The following PRKACG variants were observed in gnomAD, a reference collection of about 807,000 sequenced individuals.
PRKACG encodes cAMP-dependent protein kinase catalytic subunit gamma.
In PRKACG, 24 loss-of-function variants were observed where a neutral mutation model predicts 25.6. The ratio of observed to expected loss-of-function variants is 0.94; its 90% CI spans 0.68 to 1.32. PRKACG has a LOEUF of 1.32. PRKACG is among the 40% of genes most tolerant of loss of function. PRKACG has a pLI of 0.00. For synonymous variants in PRKACG, 202 were observed against 195.9 expected, an observed-to-expected ratio of 1.03 and a Z score of -0.26; for missense variants, 481 against 462.9, an observed-to-expected ratio of 1.04 and a Z score of -0.36.
Position 69,013,845 on chromosome 9 carries a change from A to G in PRKACG, c.248T>C (p.Met83Thr), listed in dbSNP as rs770637637. 2.5e-6 allele frequency: 4 copies of G among 1,613,450 alleles called. No homozygotes were observed. Among genetic ancestry groups the G allele is most frequent in the Admixed American group, 3.3e-5 (2 of 59,940 alleles). Reference protein sequence around the residue: ...KILNKQKVVKMKQVEHILNEK... With the variant: ...KILNKQKVVKTKQVEHILNEK... Reference sequence around the variant, plus strand: ...GTTCAGTATGTGCTCGACCTGCTTCATCTTCACCACCTTCTGCTTGTTGAG... The same window carrying G: ...GTTCAGTATGTGCTCGACCTGCTTCGTCTTCACCACCTTCTGCTTGTTGAG... Residue 83 changes from methionine to threonine, a missense_variant, in exon 1 of 1, where the codon ATG becomes ACG. Met to Thr is a moderately conservative substitution (Grantham distance 81, BLOSUM62 -1). Transcript: ENST00000377276.
chr9:69,013,522 G>A lies in PRKACG; in HGVS notation c.571C>T (p.Arg191Cys), dbSNP rs1413326720. The A allele has an allele frequency of 2.5e-6, 4 of 1,614,022 alleles. No individual in the cohort carries two copies. The highest frequency in any genetic ancestry group is 2.2e-5 in the East Asian group (1 of 44,860). ...LQVTDFGFAK[R>C]VKGRTWTLCG... Reference sequence around the variant, plus strand: ...AAGGTCCAAGTGCGGCCCTTCACGCGCTTGGCGAAACCGAAGTCCGTCACC... The same window carrying A: ...AAGGTCCAAGTGCGGCCCTTCACGCACTTGGCGAAACCGAAGTCCGTCACC... Residue 191 changes from arginine (R) to cysteine (C), a missense_variant, in exon 1 of 1, where the codon CGC becomes TGC. Arg to Cys is a radical substitution (Grantham distance 180). Transcript: ENST00000377276.
In PRKACG at chr9:69,012,705, C is replaced by G. The variant is rs946174199; in HGVS notation, c.*332G>C. 6 of 270,778 alleles carry G rather than the reference C, an allele frequency of 2.2e-5. No homozygotes were observed. The highest frequency in any genetic ancestry group is 1.1e-4 in the African/African-American group (5 of 46,016). 16.8% of individuals were successfully genotyped at this position (270,778 alleles called of 1,614,324 possible). ...TTGAGCCCCTCTTTCCACACCGTGTCCCTTGATACAACAGCAAGACCTGGC... is the reference window on the plus strand; with the variant it reads ...TTGAGCCCCTCTTTCCACACCGTGTGCCTTGATACAACAGCAAGACCTGGC... On this transcript the variant is annotated 3_prime_UTR_variant, in exon 1 of 1. Coordinates refer to ENST00000377276, the MANE Select transcript of PRKACG (RefSeq NM_002732.4).
rs1564319108 is a variant in PRKACG at position 69,013,038 on chromosome 9, T to G, written c.1055A>C (p.Ter352SerextTer25). The change falls in exon 1 of 1, where the codon TAG becomes TCG. Residue 352 changes from the stop codon to serine, a stop_lost. Coordinates refer to ENST00000377276, the MANE Select transcript of PRKACG (RefSeq NM_002732.4). ...ACCCACAGGGGCACAAGCACACCCC[T>G]AAAACTCAGAAAACTCCTTGGCACA... ...EKCAKEFSEF[*>S] The G allele has an allele frequency of 6.2e-7, 1 of 1,613,048 alleles. No individual in the cohort carries two copies. Among genetic ancestry groups the G allele is most frequent in the Non-Finnish European group, 8.5e-7 (1 of 1,179,536 alleles).
Position 69,013,766 on chromosome 9 carries a change from G to T in PRKACG, c.327C>A (p.Phe109Leu). 1 of 1,614,026 alleles carries T rather than the reference G, an allele frequency of 6.2e-7. No individual in the cohort carries two copies. The highest frequency in any genetic ancestry group is 8.5e-7 in the Non-Finnish European group (1 of 1,180,018). ...IDFPFLVKLQ[F>L]SFKDNSYLYL... Reference sequence around the variant, plus strand: ...ACAGGTAGGAGTTGTCCTTAAAGGAGAACTGGAGCTTGACGAGGAACGGAA... The same window carrying T: ...ACAGGTAGGAGTTGTCCTTAAAGGATAACTGGAGCTTGACGAGGAACGGAA... Residue 109 changes from phenylalanine to leucine, a missense_variant, in exon 1 of 1, where the codon TTC becomes TTA. Transcript: ENST00000377276.
In PRKACG at chr9:69,013,416, C is replaced by A. The variant is rs1161984523; in HGVS notation, c.677G>T (p.Gly226Val). ...YNKAVDWWAL[G>V]VLIYEMAVGF... ...CACGGCCATCTCATAGATGAGCACC[C>A]CTAGGGCCCACCAGTCCACGGCCTT... is the stretch of plus-strand genomic sequence containing the variant. The change falls in exon 1 of 1, where the codon GGG becomes GTG. Residue 226 changes from glycine (G) to valine (V), a missense_variant. Transcript: ENST00000377276. 6.2e-7 allele frequency: 1 copy of A among 1,613,622 alleles called. No homozygotes were observed. Among genetic ancestry groups the A allele is most frequent in the Non-Finnish European group, 8.5e-7 (1 of 1,180,012 alleles).
chr9:69,013,360 T>C lies in PRKACG; in HGVS notation c.733A>G (p.Ile245Val). Residue 245 changes from isoleucine to valine, a missense_variant, in exon 1 of 1, where the codon ATC becomes GTC. Ile to Val is a conservative substitution (Grantham distance 29, BLOSUM62 3). Coordinates refer to ENST00000377276, the MANE Select transcript of PRKACG (RefSeq NM_002732.4). Reference protein sequence around the residue: ...GFPPFYADQPIQIYEKIVSGR... With the variant: ...GFPPFYADQPVQIYEKIVSGR... Reference sequence around the variant, plus strand: ...GAGACGATCTTCTCGTAGATCTGGATGGGCTGGTCGGCGTAGAAGGGTGGG... The same window carrying C: ...GAGACGATCTTCTCGTAGATCTGGACGGGCTGGTCGGCGTAGAAGGGTGGG... 2 of 1,613,942 alleles carry C rather than the reference T, an allele frequency of 1.2e-6. No homozygotes were observed. Among genetic ancestry groups the C allele is most frequent in the Non-Finnish European group, 8.5e-7 (1 of 1,180,004 alleles).
At position 69,013,928 on chromosome 9, in the gene PRKACG, G is replaced by A. The variant is rs756449608; in HGVS notation, c.165C>T (p.Phe55=). The A allele has an allele frequency of 1.9e-6, 3 of 1,613,892 alleles. No individual in the cohort carries two copies. The highest frequency in any genetic ancestry group is 2.5e-6 in the Non-Finnish European group (3 of 1,179,980). ...ERLRTLGMGS[F]GRVMLVRHQE... ...GGTGCCTCACCAGCATCACCCGCCC[G>A]AAGGAGCCCATGCCCAGCGTCCTGA... Residue 55 remains phenylalanine (F), a synonymous_variant, in exon 1 of 1, where the codon TTC becomes TTT. Transcript: ENST00000377276.
Position 69,014,055 on chromosome 9 carries a change from T to C in PRKACG, c.38A>G (p.Glu13Gly), listed in dbSNP as rs1831310246. The part of the protein sequence containing the change: ...NAPAKKDTEQ[E>G]ESVNEFLAKA... ...GGCTAGGAACTCGTTCACGCTCTCC[T>C]CCTGCTCGGTGTCCTTCTTGGCGGG... Residue 13 changes from glutamate (E) to glycine (G), a missense_variant, in exon 1 of 1, where the codon GAG becomes GGG. Coordinates refer to ENST00000377276, the MANE Select transcript of PRKACG (RefSeq NM_002732.4). The C allele has an allele frequency of 2.5e-6, 4 of 1,611,492 alleles. No individual in the cohort carries two copies. Among genetic ancestry groups the C allele is most frequent in the Non-Finnish European group, 3.4e-6 (4 of 1,179,352 alleles).
Position 69,012,820 on chromosome 9 carries a change from G to T in PRKACG, c.*217C>A, listed in dbSNP as rs1180620808. ...GGGAGGAGAAAGAGAGAAGCACAGA[G>T]GGACCAGGAAGGCATGGGGGGGGGT... On this transcript the variant is annotated 3_prime_UTR_variant, in exon 1 of 1. Coordinates refer to ENST00000377276, the MANE Select transcript of PRKACG (RefSeq NM_002732.4). The T allele has an allele frequency of 1.1e-5, 6 of 566,804 alleles. No individual in the cohort carries two copies. The highest frequency in any genetic ancestry group is 2.0e-5 in the African/African-American group (1 of 51,274). The allele number at this position is 566,804 out of a possible 1,614,324, so 35.1% of individuals were successfully genotyped here. A position where few individuals can be genotyped will look rare whatever the true frequency, so the allele number is the denominator to read the frequency against.
At position 69,013,017 on chromosome 9, in the gene PRKACG, A is replaced by G. The variant is rs763052601; in HGVS notation, c.*20T>C. 1.1e-5 allele frequency: 18 copies of G among 1,599,088 alleles called. No homozygotes were observed. The highest frequency in any genetic ancestry group is 3.4e-4 in the Middle Eastern group (2 of 5,932). ...CAAAAACAAAAAGGAAAGAAAACCC[A>G]CAGGGGCACAAGCACACCCCTAAAA... On this transcript the variant is annotated 3_prime_UTR_variant, in exon 1 of 1. Coordinates refer to ENST00000377276, the MANE Select transcript of PRKACG (RefSeq NM_002732.4).
chr9:69,013,448 G>A lies in PRKACG; in HGVS notation c.645C>T (p.Gly215=). The change falls in exon 1 of 1, where the codon GGC becomes GGT. Residue 215 remains glycine, a synonymous_variant. Coordinates refer to ENST00000377276, the MANE Select transcript of PRKACG (RefSeq NM_002732.4). ...CCCACCAGTCCACGGCCTTGTTGTAGCCTTTGCTCAGGATGATCTCGGGGG... is the reference window on the plus strand; with the variant it reads ...CCCACCAGTCCACGGCCTTGTTGTAACCTTTGCTCAGGATGATCTCGGGGG... ...YLAPEIILSK[G]YNKAVDWWAL... is the part of the protein sequence containing the mutation. 6.2e-7 allele frequency: 1 copy of A among 1,613,830 alleles called. No individual in the cohort carries two copies. The highest frequency in any genetic ancestry group is 1.1e-5 in the South Asian group (1 of 91,072).
chr9:69,013,071 T>C lies in PRKACG; in HGVS notation c.1022A>G (p.Asn341Ser), dbSNP rs779711045. 3.7e-6 allele frequency: 6 copies of C among 1,614,182 alleles called. No homozygotes were observed. The South Asian group carries it at 4.4e-5, about 12-fold the overall frequency. The change falls in exon 1 of 1, where the codon AAT becomes AGT. Residue 341 changes from asparagine to serine, a missense_variant. Physicochemically the swap from Asn to Ser is conservative, Grantham distance 46 (BLOSUM62 1). Coordinates refer to ENST00000377276, the MANE Select transcript of PRKACG (RefSeq NM_002732.4). The part of the protein sequence containing the change: ...YEEEELRISI[N>S]EKCAKEFSEF ...AGAAAACTCCTTGGCACACTTCTCA[T>C]TGATGGAGATCCGGAGCTCTTCCTC...
rs1193906496 is a variant in PRKACG at position 69,012,844 on chromosome 9, G to A, written c.*193C>T. On this transcript the variant is annotated 3_prime_UTR_variant, in exon 1 of 1. Transcript: ENST00000377276. ...AGGGACCAGGAAGGCATGGGGGGGG[G>A]TGAGGGAGCAGCTGGTGTTTCTGTT... 7 of 596,898 alleles carry A rather than the reference G, an allele frequency of 1.2e-5. No individual in the cohort carries two copies. Among genetic ancestry groups the A allele is most frequent in the Non-Finnish European group, 2.1e-5 (7 of 341,260 alleles). 37.0% of individuals were successfully genotyped at this position (596,898 alleles called of 1,614,324 possible).
In PRKACG at chr9:69,012,984, C is replaced by T. The variant is rs1831289365; in HGVS notation, c.*53G>A. The T allele has an allele frequency of 1.3e-6, 2 of 1,559,044 alleles. No individual in the cohort carries two copies. Among genetic ancestry groups the T allele is most frequent in the Admixed American group, 3.8e-5 (2 of 53,246 alleles). On this transcript the variant is annotated 3_prime_UTR_variant, in exon 1 of 1. Coordinates refer to ENST00000377276, the MANE Select transcript of PRKACG (RefSeq NM_002732.4). Reference sequence around the variant, plus strand: ...TGTTCAATCCAACCCTCCCATCCCCCAAACCACCAAAAACAAAAAGGAAAG... The same window carrying T: ...TGTTCAATCCAACCCTCCCATCCCCTAAACCACCAAAAACAAAAAGGAAAG...
Position 69,014,036 on chromosome 9 carries a change from G to C in PRKACG, c.57C>G (p.Phe19Leu). The C allele has an allele frequency of 4.3e-6, 7 of 1,613,130 alleles. No individual in the cohort carries two copies. The highest frequency in any genetic ancestry group is 5.9e-6 in the Non-Finnish European group (7 of 1,179,958). The change falls in exon 1 of 1, where the codon TTC (phenylalanine) becomes TTG (leucine). Residue 19 changes from phenylalanine to leucine, a missense_variant. By Grantham distance (22) the Phe-to-Leu change is conservative. Transcript: ENST00000377276. ...DTEQEESVNE[F>L]LAKARGDFLY... ...GGAAATCTCCTCTGGCTTTGGCTAGGAACTCGTTCACGCTCTCCTCCTGCT... is the reference window on the plus strand; with the variant it reads ...GGAAATCTCCTCTGGCTTTGGCTAGCAACTCGTTCACGCTCTCCTCCTGCT...
Position 69,013,648 on chromosome 9 carries a change from C to A in PRKACG, c.445G>T (p.Ala149Ser). The change falls in exon 1 of 1, where the codon GCC becomes TCC. Residue 149 changes from alanine (A) to serine (S), a missense_variant. Physicochemically the swap from Ala to Ser is moderately conservative, Grantham distance 99 (BLOSUM62 1). Transcript: ENST00000377276. ...FSEPHACFYA[A>S]QVVLAVQYLH... The stretch of plus-strand genomic sequence containing the variant: ...TACTGGACGGCCAGGACGACCTGGG[C>A]GGCATAGAAACAGGCATGGGGCTCG... 1 of 1,613,782 alleles carries A rather than the reference C, an allele frequency of 6.2e-7. No individual in the cohort carries two copies. Among genetic ancestry groups the A allele is most frequent in the Non-Finnish European group, 8.5e-7 (1 of 1,179,892 alleles).
Position 69,012,886 on chromosome 9 carries a change from C to G in PRKACG, c.*151G>C. ...GTTTCTGTTCCTCCAAATATCTGGG[C>G]TTCCTGCTCCCCCAACCCTGGAGGG... On this transcript the variant is annotated 3_prime_UTR_variant, in exon 1 of 1. Transcript: ENST00000377276. 1 of 721,090 alleles carries G rather than the reference C, an allele frequency of 1.4e-6. No individual in the cohort carries two copies. Among genetic ancestry groups the G allele is most frequent in the African/African-American group, 1.8e-5 (1 of 56,130 alleles). The allele number at this position is 721,090 out of a possible 1,614,324, so 44.7% of individuals were successfully genotyped here.
Sources: gnomAD v4.1 joint callset for allele counts on GRCh38, gnomAD v4.1.1 for gene constraint, MANE v1.5 for transcripts, NCBI Gene and HGNC (gene_info 2026-07-23, HGNC 2026-07-21) for gene names.